Variants in ACYP2 observed in about 807,000 individuals in gnomAD.
ACYP2 encodes the protein acylphosphatase 2, also known as acylphosphatase-2.
A neutral mutation model predicts 11.2 loss-of-function variants in ACYP2; 12 were observed. That is an observed-to-expected ratio of 1.08 (90% confidence interval 0.69 to 1.74). The LOEUF (loss-of-function observed/expected upper bound fraction) is 1.74, where lower values mean the gene tolerates loss of function less well. Ranked by LOEUF, ACYP2 falls within the 40% of genes most tolerant of loss-of-function variation. The pLI is 0.00. For synonymous variants in ACYP2, 43 were observed against 32.2 expected (o/e 1.33, Z -1.13); for missense variants, 134 against 101.9 (o/e 1.31, Z -1.35).
At chr2:54,043,464 G>A (rs1301426445) in intron 2 of ACYP2, among the ~76,000 whole-genome samples, 1 of 152,174 alleles carries the variant, frequency 6.6e-6, no homozygotes, top group Non-Finnish European at 1.5e-5. Context: ...CAAAGAAACT[G>A]TTCTGCCTGA....
chr2:54,203,202 CTAAATATT>C (rs1461834429), intron 6 of ACYP2, among the ~76,000 whole-genome samples: 1 of 141,982 alleles, frequency 7.0e-6, no homozygotes, highest in Non-Finnish European at 1.6e-5. Context: ...AAATTTATTC[CTAAATATT>C]TATTCTTCTT....
At chr2:54,110,984 C>T (rs11888384) in intron 4 of ACYP2, among the ~76,000 whole-genome samples, 84,881 of 151,530 alleles carry the variant, frequency 0.56, 23,857 homozygotes, top group East Asian at 0.71. Flanking sequence ...GAGATATGAG[C>T]CTCCATAACT....
intron 2 of ACYP2, among the ~76,000 whole-genome samples, chr2:54,020,379 A>G (rs1203144756): frequency 6.6e-6 from 1 of 152,188 alleles, no homozygotes; most frequent in Non-Finnish European, 1.5e-5. Context: ...ATGCTCCTAA[A>G]CAAGATTTTA....
chr2:54,064,808 C>G (rs1676655705), intron 4 of ACYP2, among the ~76,000 whole-genome samples: 1 of 152,108 alleles, frequency 6.6e-6, no homozygotes, highest in Admixed American at 6.5e-5. Flanking sequence ...GGGGGACCGC[C>G]AGCACGGTGG....
intron 4 of ACYP2, among the ~76,000 whole-genome samples, chr2:54,128,804 G>A (rs72906787): frequency 0.082 from 12,420 of 151,930 alleles, 611 homozygotes; most frequent in African/African-American, 0.13. Flanking sequence ...AGATGCGGAA[G>A]TCATACACAA....
intron 6 of ACYP2, among the ~76,000 whole-genome samples, chr2:54,158,791 A>C (rs1194567289): frequency 6.6e-6 from 1 of 152,218 alleles, no homozygotes; most frequent in East Asian, 1.9e-4. Flanking sequence ...TAAGTAAAAA[A>C]ATTGTATTGA....
intron 6 of ACYP2, among the ~76,000 whole-genome samples, chr2:54,164,305 G>A (rs1331186521): frequency 2.0e-5 from 3 of 152,212 alleles, no homozygotes; most frequent in Admixed American, 2.0e-4. Context: ...GAGCCAGATA[G>A]GTGAGGATTT....
At chr2:53,982,066 T>G (rs1440032365) in intron 2 of ACYP2, among the ~76,000 whole-genome samples, 1 of 152,192 alleles carries the variant, frequency 6.6e-6, no homozygotes, top group Non-Finnish European at 1.5e-5. Context: ...TATTTTTTAA[T>G]GGTAATTGAA....
At chr2:53,980,508 G>C (rs1028002184) in intron 2 of ACYP2, among the ~76,000 whole-genome samples, 5 of 152,014 alleles carry the variant, frequency 3.3e-5, no homozygotes, top group Admixed American at 2.0e-4. Context: ...GCTTGAGCTA[G>C]GAGTTCAAGA....
intron 4 of ACYP2, among the ~76,000 whole-genome samples, chr2:54,079,577 G>A (rs989160888): frequency 1.3e-5 from 2 of 152,178 alleles, no homozygotes; most frequent in Admixed American, 6.5e-5. Flanking sequence ...CAGCATTAGG[G>A]TGATGCTGAC....
intron 6 of ACYP2, among the ~76,000 whole-genome samples, chr2:54,155,305 C>A (rs1001091265): frequency 6.6e-6 from 1 of 151,664 alleles, no homozygotes; most frequent in Admixed American, 6.6e-5. Context: ...TTATTTTTGC[C>A]CTGATCTTTG....
At chr2:54,036,098 T>A (rs1368085302) in intron 2 of ACYP2, among the ~76,000 whole-genome samples, 1 of 152,032 alleles carries the variant, frequency 6.6e-6, no homozygotes, top group Non-Finnish European at 1.5e-5. Context: ...TCTTTTTTTG[T>A]TTGTTTGTTT....
At chr2:54,092,165 A>C (rs895137631) in intron 4 of ACYP2, among the ~76,000 whole-genome samples, 2 of 152,212 alleles carry the variant, frequency 1.3e-5, no homozygotes, top group African/African-American at 2.4e-5. Flanking sequence ...AAAAAATGTC[A>C]GTTCAGTTTT....
chr2:54,181,202 T>C (rs1683707422), intron 6 of ACYP2, among the ~76,000 whole-genome samples: 1 of 152,178 alleles, frequency 6.6e-6, no homozygotes, highest in Non-Finnish European at 1.5e-5. Context: ...GTCGGATAAC[T>C]AACAAATAAA....
At chr2:54,025,359 C>G (rs1399801323) in intron 2 of ACYP2, among the ~76,000 whole-genome samples, 1 of 152,160 alleles carries the variant, frequency 6.6e-6, no homozygotes, top group Non-Finnish European at 1.5e-5. Context: ...ACCAAAACAG[C>G]ATGGTATTGG....
At chr2:54,030,168 G>A (rs766777243) in intron 2 of ACYP2, among the ~76,000 whole-genome samples, 1 of 152,138 alleles carries the variant, frequency 6.6e-6, no homozygotes, top group African/African-American at 2.4e-5. Context: ...GGGGGCCCCA[G>A]GACCTTCAAG....
In ACYP2 at chr2:54,066,985, A is replaced by T. The variant is rs139347180; in HGVS notation, c.277+9625A>T. ...AATCTGAGATTTGAATCTGAATTTT[A>T]CTACTATTTGTGTCAACTTGGGCAG... is the stretch of plus-strand genomic sequence containing the variant. On this transcript the variant is annotated intron_variant, in intron 4 of 6. Coordinates refer to ENST00000607452, the MANE Select transcript of ACYP2 (RefSeq NM_001320586.2). Among the ~76,000 whole-genome samples the T allele has an allele frequency of 2.5e-3, 376 of 152,344 alleles. 1 individual carries two copies. The highest frequency in any genetic ancestry group is 8.9e-3 in the African/African-American group (368 of 41,578).
At chr2:54,025,390 C>T (rs1487210335) in intron 2 of ACYP2, among the ~76,000 whole-genome samples, 1 of 152,126 alleles carries the variant, frequency 6.6e-6, no homozygotes, top group Non-Finnish European at 1.5e-5. Flanking sequence ...GGCACATAGA[C>T]CAGCAGAACA....
At chr2:54,169,999 T>C (rs895354379) in intron 6 of ACYP2, among the ~76,000 whole-genome samples, 2 of 152,226 alleles carry the variant, frequency 1.3e-5, no homozygotes, top group South Asian at 2.1e-4. Flanking sequence ...TAGATGAAGA[T>C]GTGACTCTTA....
Sources: allele counts gnomAD v4.1 joint callset (sites outside exome capture counted in the v4.1 genomes callset), GRCh38; gene constraint gnomAD v4.1.1; transcripts MANE v1.5; gene names NCBI Gene and HGNC (gene_info 2026-07-23, HGNC 2026-07-21).